FAF1: variants seen among roughly 807,000 people sequenced by gnomAD.
The protein encoded by FAF1 is FAS-associated factor 1.
Under a neutral mutation model 92.5 loss-of-function variants are expected in FAF1, and 25 were observed. That is an observed-to-expected ratio of 0.27 (90% CI 0.20 to 0.38). FAF1 has a LOEUF of 0.38. Among genes scored for constraint, FAF1 ranks in the 10% least tolerant of loss-of-function variants. FAF1 has a pLI of 1.00. For missense variants in FAF1, 636 were observed against 793.3 expected (o/e 0.80, Z 2.38); for synonymous variants, 234 against 273.2 (o/e 0.86, Z 1.42).
At chr1:50,553,255 C>A (rs1420960654) in intron 13 of FAF1, among the ~76,000 whole-genome samples, 1 of 152,002 alleles carries the variant, frequency 6.6e-6, no homozygotes, top group Non-Finnish European at 1.5e-5. Context: ...TGTTTGAAAT[C>A]AAAATATATG....
intron 1 of FAF1, among the ~76,000 whole-genome samples, chr1:50,864,914 T>C (rs1644467333): frequency 1.3e-5 from 2 of 151,752 alleles, no homozygotes; most frequent in Admixed American, 1.3e-4. Flanking sequence ...ACCTACAAAA[T>C]GGGAGAAAAT....
At chr1:50,520,455 A>C (rs1647439090) in intron 15 of FAF1, among the ~76,000 whole-genome samples, 1 of 152,192 alleles carries the variant, frequency 6.6e-6, no homozygotes, top group African/African-American at 2.4e-5. Context: ...CAACTTCTTT[A>C]CACTATTTCT....
chr1:50,826,974 C>T (rs1644104780), intron 2 of FAF1, among the ~76,000 whole-genome samples: 2 of 150,544 alleles, frequency 1.3e-5, no homozygotes, highest in Non-Finnish European at 3.0e-5. Flanking sequence ...AGGAGTGCCT[C>T]TGCCCGGCCG....
At chr1:50,458,322 G>C (rs1646381886) in intron 18 of FAF1, among the ~76,000 whole-genome samples, 1 of 152,182 alleles carries the variant, frequency 6.6e-6, no homozygotes, top group Non-Finnish European at 1.5e-5. Flanking sequence ...CCTGGGTTTT[G>C]AGAATCAAAT....
chr1:50,777,349 G>C (rs1244417763), intron 4 of FAF1, among the ~76,000 whole-genome samples: 2 of 152,158 alleles, frequency 1.3e-5, no homozygotes, highest in Admixed American at 6.5e-5. Flanking sequence ...TTGAGCCTAG[G>C]AGTTCAAGCT....
intron 8 of FAF1, among the ~76,000 whole-genome samples, chr1:50,610,166 G>A (rs1277546738): frequency 6.6e-6 from 1 of 152,184 alleles, no homozygotes; most frequent in African/African-American, 2.4e-5. Flanking sequence ...GGGTTCATAT[G>A]ATGACTTGCA....
chr1:50,847,749 T>C (rs1281209496), intron 2 of FAF1, among the ~76,000 whole-genome samples: 1 of 152,178 alleles, frequency 6.6e-6, no homozygotes, highest in East Asian at 1.9e-4. Context: ...CTGAATTGTA[T>C]GTTTTAAAAT....
intron 2 of FAF1, among the ~76,000 whole-genome samples, chr1:50,829,253 G>A (rs1007146515): frequency 1.3e-5 from 2 of 152,144 alleles, no homozygotes; most frequent in African/African-American, 4.8e-5. Context: ...GGTGGGTAAG[G>A]GAGAGGCATT....
chr1:50,538,908 C>G (rs1280615019), intron 14 of FAF1, among the ~76,000 whole-genome samples: 1 of 152,146 alleles, frequency 6.6e-6, no homozygotes, highest in Admixed American at 6.6e-5. Flanking sequence ...AATTAGTATA[C>G]CAGATATAGT....
At chr1:50,484,447 A>G (rs1360331337) in intron 17 of FAF1, among the ~76,000 whole-genome samples, 1 of 151,914 alleles carries the variant, frequency 6.6e-6, no homozygotes, top group African/African-American at 2.4e-5. Flanking sequence ...GTGGATATAC[A>G]TATATATATA....
intron 4 of FAF1, among the ~76,000 whole-genome samples, chr1:50,749,457 T>C (rs911619368): frequency 5.3e-5 from 8 of 152,180 alleles, no homozygotes; most frequent in African/African-American, 1.9e-4. Context: ...GAAAAAAAGC[T>C]GGAATCATGA....
At chr1:50,868,322 T>C (rs764365879) in intron 1 of FAF1, among the ~76,000 whole-genome samples, 8 of 152,132 alleles carry the variant, frequency 5.3e-5, no homozygotes, top group African/African-American at 7.2e-5. Context: ...CCAAAAACTA[T>C]TGAAATTTTT....
intron 1 of FAF1, among the ~76,000 whole-genome samples, chr1:50,926,289 A>G (rs775250543): frequency 3.3e-4 from 50 of 152,212 alleles, no homozygotes; most frequent in Non-Finnish European, 6.3e-4. Flanking sequence ...AGCAACATGG[A>G]TAAGCCTGGA....
At chr1:50,607,432 T>C (rs1432791671) in intron 8 of FAF1, among the ~76,000 whole-genome samples, 1 of 152,192 alleles carries the variant, frequency 6.6e-6, no homozygotes, top group Non-Finnish European at 1.5e-5. Flanking sequence ...TTTTTCAGTC[T>C]GATGTTCAAG....
chr1:50,945,789 T>C lies in FAF1; in HGVS notation c.45+13978A>G, dbSNP rs1285634731. ...GCCATTAGCAACAGGCAAAGGTCCG[T>C]AGAAATACAACAAGTTTCATCAAGA... On this transcript the variant is annotated intron_variant, in intron 1 of 18. Coordinates refer to ENST00000396153, the MANE Select transcript of FAF1 (RefSeq NM_007051.3). Among the ~76,000 whole-genome samples the C allele has an allele frequency of 2.0e-5, 3 of 152,228 alleles. No individual in the cohort carries two copies. The East Asian group carries it at 5.8e-4, about 29-fold the overall frequency.
intron 4 of FAF1, among the ~76,000 whole-genome samples, chr1:50,750,776 C>A (rs1054865366): frequency 2.6e-5 from 4 of 151,774 alleles, no homozygotes; most frequent in Non-Finnish European, 5.9e-5. Flanking sequence ...GCACATCCCA[C>A]CACACTCAGC....
intron 8 of FAF1, among the ~76,000 whole-genome samples, chr1:50,616,866 A>G (rs1652937413): frequency 6.6e-6 from 1 of 152,086 alleles, no homozygotes; most frequent in Non-Finnish European, 1.5e-5. Context: ...TTTTTAGTAG[A>G]GTCAGGATTT....
chr1:50,645,910 G>A (rs1440101731), intron 8 of FAF1, among the ~76,000 whole-genome samples: 1 of 152,106 alleles, frequency 6.6e-6, no homozygotes, highest in Non-Finnish European at 1.5e-5. Flanking sequence ...AACAGATGCT[G>A]AGTGAGATTT....
chr1:50,712,478 A>G (rs1475959815), intron 6 of FAF1, among the ~76,000 whole-genome samples: 1 of 152,072 alleles, frequency 6.6e-6, no homozygotes, highest in Non-Finnish European at 1.5e-5. Flanking sequence ...CAACATGGTG[A>G]AACCCTGTTA....
Sources: gnomAD v4.1 joint callset for allele counts (sites outside exome capture counted in the v4.1 genomes callset) on GRCh38, gnomAD v4.1.1 for gene constraint, MANE v1.5 for transcripts, NCBI Gene and HGNC (gene_info 2026-07-23, HGNC 2026-07-21) for gene names.